DOCK5: variants seen among roughly 807,000 people sequenced by gnomAD.
The protein encoded by DOCK5 is dedicator of cytokinesis 5.
A neutral mutation model predicts 251.8 loss-of-function variants in DOCK5; 142 were observed. The observed-to-expected ratio is 0.56, with a 90% CI of 0.49 to 0.65. DOCK5 has a LOEUF of 0.65. DOCK5 is among the 30% of genes least tolerant of loss of function. The pLI is 0.00. For synonymous variants in DOCK5, 842 were observed against 835.5 expected, an observed-to-expected ratio of 1.01 and a Z score of -0.13; for missense variants, 2,111 against 2,312.3, an observed-to-expected ratio of 0.91 and a Z score of 1.79.
intron 27 of DOCK5, among the ~76,000 whole-genome samples, chr8:25,356,970 G>T (rs1322646904): frequency 6.9e-6 from 1 of 144,084 alleles, no homozygotes; most frequent in African/African-American, 2.6e-5. Flanking sequence ...CAAGTCCCAA[G>T]CTTTAAAAAT....
intron 4 of DOCK5, among the ~76,000 whole-genome samples, chr8:25,276,575 G>A (rs1399680816): frequency 6.6e-6 from 1 of 152,080 alleles, no homozygotes; most frequent in Non-Finnish European, 1.5e-5. Flanking sequence ...AGGAGAGAGT[G>A]GACAGCTGGG....
At position 25,414,882 on chromosome 8, in the gene DOCK5, C is replaced by T. The variant is rs1461263680; in HGVS notation, c.*3584C>T. The T allele has an allele frequency of 7.3e-6, 1 of 136,856 alleles. No individual in the cohort carries two copies. The highest frequency in any genetic ancestry group is 1.6e-5 in the Non-Finnish European group (1 of 64,424). The allele number at this position is 136,856 out of a possible 1,614,324, so 8.5% of individuals were successfully genotyped here. On this transcript the variant is annotated 3_prime_UTR_variant, in exon 52 of 52. Transcript: ENST00000276440. ...AAAGACTGTGCACCTTTTAACAAGT[C>T]AATTTGTAGTCAGTCCCTGGGCCTG...
chr8:25,339,924 C>T (rs923719995), intron 22 of DOCK5, among the ~76,000 whole-genome samples: 1 of 152,114 alleles, frequency 6.6e-6, no homozygotes, highest in Non-Finnish European at 1.5e-5. Flanking sequence ...CTTTAAGAGG[C>T]CATTGTGGTT....
intron 46 of DOCK5, among the ~76,000 whole-genome samples, chr8:25,400,515 A>T (rs1801421076): frequency 6.6e-6 from 1 of 151,660 alleles, no homozygotes; most frequent in African/African-American, 2.4e-5. Context: ...AAAAAAAGAA[A>T]AGTTCATCTG....
chr8:25,281,008 A>G (rs1387062179), intron 5 of DOCK5, among the ~76,000 whole-genome samples: 1 of 149,716 alleles, frequency 6.7e-6, no homozygotes, highest in African/African-American at 2.5e-5. Context: ...ATGAGACTGG[A>G]GAGTATGAGT....
chr8:25,217,670 GC>G (rs1802284063), intron 1 of DOCK5, among the ~76,000 whole-genome samples: 2 of 152,308 alleles, frequency 1.3e-5, no homozygotes, highest in South Asian at 4.1e-4. Flanking sequence ...AAATATTATT[GC>G]CCAGACCAGC....
At chr8:25,310,729 A>G (rs1805069357) in intron 13 of DOCK5, among the ~76,000 whole-genome samples, 197 bp downstream of exon 13, 1 of 152,226 alleles carries the variant, frequency 6.6e-6, no homozygotes, top group Non-Finnish European at 1.5e-5. Context: ...TACAAATATA[A>G]AAACCTCTGC....
intron 27 of DOCK5, among the ~76,000 whole-genome samples, chr8:25,354,027 TAAA>T (rs1291938160): frequency 1.3e-4 from 1 of 7,756 alleles, no homozygotes; most frequent in Non-Finnish European, 7.0e-4. Flanking sequence ...GACTTTGTCT[TAAA>T]AAAAAAAAAA....
rs750707367 is a variant in DOCK5 at position 25,389,193 on chromosome 8, A to G, written c.4234A>G (p.Thr1412Ala). 3 of 1,613,974 alleles carry G rather than the reference A, an allele frequency of 1.9e-6. No homozygotes were observed. Among genetic ancestry groups the G allele is most frequent in the Non-Finnish European group, 2.5e-6 (3 of 1,179,874 alleles). Residue 1412 changes from threonine to alanine, a missense_variant, in exon 41 of 52, where the codon ACG (threonine) becomes GCG (alanine). Physicochemically the swap from Thr to Ala is moderately conservative, Grantham distance 58. Transcript: ENST00000276440. ...CAATGCGGAGAAGATGACCAGTACCACGCCTCCTGGGGAAGACATCAAGTC... is the reference window on the plus strand; with the variant it reads ...CAATGCGGAGAAGATGACCAGTACCGCGCCTCCTGGGGAAGACATCAAGTC... Reference protein sequence around the residue: ...FPNAEKMTSTTPPGEDIKSSP... With the variant: ...FPNAEKMTSTAPPGEDIKSSP...
chr8:25,364,702 C>T lies in DOCK5; in HGVS notation c.3121C>T (p.Gln1041Ter). The T allele has an allele frequency of 6.3e-7, 1 of 1,587,662 alleles. No individual in the cohort carries two copies. The highest frequency in any genetic ancestry group is 8.6e-7 in the Non-Finnish European group (1 of 1,164,314). Reference protein sequence around the residue: ...FFMDQASFELQLWNNYFHLAV... With the variant: ...FFMDQASFEL ...CATGGATCAGGCAAGCTTTGAACTT[C>T]AGGTAGGCATGTGACTCACCTACCT... Residue 1041 changes from glutamine (Q) to a stop codon, truncating the protein, a stop_gained and splice_region_variant, in exon 30 of 52, where the codon CAG becomes TAG. Transcript: ENST00000276440. LOFTEE classifies it high-confidence loss of function.
In DOCK5 at chr8:25,364,847, A is replaced by G; in HGVS notation, c.3123+143A>G. 3 of 614,426 alleles carry G rather than the reference A, an allele frequency of 4.9e-6. 1 individual carries two copies. The highest frequency in any genetic ancestry group is 7.5e-4 in the Middle Eastern group (2 of 2,654). The allele number at this position is 614,426 out of a possible 1,614,324, so 38.1% of individuals were successfully genotyped here. A position where few individuals can be genotyped will look rare whatever the true frequency, so the allele number is the denominator to read the frequency against. ...TGTTTTTTCATTTCCTAAAGCACAT[A>G]TGCCTGTCACACTGTCCTCCAAACA... On this transcript the variant is annotated intron_variant, in intron 30 of 51. Transcript: ENST00000276440.
intron 1 of DOCK5, among the ~76,000 whole-genome samples, chr8:25,232,739 C>T (rs183478068): frequency 2.6e-5 from 4 of 152,176 alleles, no homozygotes; most frequent in African/African-American, 4.8e-5. Context: ...ATACTATGGG[C>T]GTAGATTTCA....
At chr8:25,230,804 T>C (rs1802649079) in intron 1 of DOCK5, among the ~76,000 whole-genome samples, 1 of 152,124 alleles carries the variant, frequency 6.6e-6, no homozygotes, top group Non-Finnish European at 1.5e-5. Flanking sequence ...TGAGCCAAGA[T>C]GGTGCCACTG....
intron 45 of DOCK5, among the ~76,000 whole-genome samples, chr8:25,399,709 T>G (rs1801403981): frequency 6.6e-6 from 1 of 152,142 alleles, no homozygotes; most frequent in Admixed American, 6.6e-5. Flanking sequence ...TTGCTAAGAA[T>G]TTGCTAATTA....
intron 1 of DOCK5, among the ~76,000 whole-genome samples, chr8:25,195,619 C>T (rs1801703876): frequency 6.6e-6 from 1 of 152,184 alleles, no homozygotes; most frequent in African/African-American, 2.4e-5. Flanking sequence ...TTACTCCTCC[C>T]TCTTATGGAA....
intron 1 of DOCK5, among the ~76,000 whole-genome samples, chr8:25,237,818 G>A (rs750266720): frequency 6.6e-6 from 1 of 152,118 alleles, no homozygotes; most frequent in East Asian, 1.9e-4. Flanking sequence ...TCATTACCCC[G>A]TGAATCAGAA....
At chr8:25,369,778 G>A (rs1800841717) in intron 34 of DOCK5, 137 bp downstream of exon 34, 2 of 655,838 alleles carry the variant, frequency 3.0e-6, no homozygotes, top group African/African-American at 1.8e-5. Context: ...TCTTCAGTAT[G>A]GTTATGGGGT....
chr8:25,342,840 A>G (rs1222992720), intron 25 of DOCK5, among the ~76,000 whole-genome samples: 1 of 72 alleles, frequency 0.014, no homozygotes, highest in East Asian at 0.25. Context: ...CTGGGACTAC[A>G]AGGACCTGCC....
chr8:25,390,360 A>T (rs1197843454), intron 42 of DOCK5, 73 bp downstream of exon 42: 2 of 1,346,304 alleles, frequency 1.5e-6, no homozygotes, highest in Non-Finnish European at 2.0e-6. Context: ...TAATCTCAAC[A>T]TTTTCCGAAG....
Sources: allele counts gnomAD v4.1 joint callset (sites outside exome capture counted in the v4.1 genomes callset), GRCh38; gene constraint gnomAD v4.1.1; transcripts MANE v1.5; gene names NCBI Gene and HGNC (gene_info 2026-07-23, HGNC 2026-07-21).